Variants in ZNF609 observed in about 807,000 individuals in gnomAD.
ZNF609 encodes the protein zinc finger protein 609.
In ZNF609, 11 loss-of-function variants were observed where a neutral mutation model predicts 109.5. That is an observed-to-expected ratio of 0.10 (90% CI 0.06 to 0.17). The LOEUF is 0.17. Ranked by LOEUF, ZNF609 falls within the 10% of genes least tolerant of loss-of-function variation. The pLI is 1.00. For missense variants in ZNF609, 1,559 were observed against 1,772.4 expected (o/e 0.88, Z 2.16); for synonymous variants, 646 against 662.0 (o/e 0.98, Z 0.37).
chr15:64,482,810 C>T (rs1346983956), intron 1 of ZNF609, among the ~76,000 whole-genome samples: 1 of 152,144 alleles, frequency 6.6e-6, no homozygotes, highest in Non-Finnish European at 1.5e-5. Context: ...GAAGGTCAGA[C>T]CAAAGACTGC....
intron 2 of ZNF609, among the ~76,000 whole-genome samples, chr15:64,536,891 CAGAG>C (rs1180090232): frequency 8.8e-6 from 1 of 113,396 alleles, no homozygotes; most frequent in Non-Finnish European, 1.7e-5. Flanking sequence ...GCCTGGGCGA[CAGAG>C]AGAGACCCTG....
chr15:64,634,702 A>G lies in ZNF609; in HGVS notation c.973+11650A>G, dbSNP rs767778956. Among the ~76,000 whole-genome samples the G allele has an allele frequency of 4.9e-4, 75 of 152,078 alleles. 1 individual carries two copies. Among genetic ancestry groups the G allele is most frequent in the Non-Finnish European group, 4.6e-4 (31 of 68,018 alleles). On this transcript the variant is annotated intron_variant, in intron 3 of 9. Transcript: ENST00000326648. ...GCACAGTAACAACCAAGCTTTCTCCACTGTTTAGCCAGTTGCATACTAGCT... is the reference window on the plus strand; with the variant it reads ...GCACAGTAACAACCAAGCTTTCTCCGCTGTTTAGCCAGTTGCATACTAGCT...
At chr15:64,667,910 T>C (rs1330589393) in intron 3 of ZNF609, among the ~76,000 whole-genome samples, 1 of 152,134 alleles carries the variant, frequency 6.6e-6, no homozygotes, top group Non-Finnish European at 1.5e-5. Context: ...CAACCAGCCT[T>C]ATGAAAGGAG....
At chr15:64,650,529 G>T (rs1318648969) in intron 3 of ZNF609, among the ~76,000 whole-genome samples, 1 of 152,144 alleles carries the variant, frequency 6.6e-6, no homozygotes, top group Non-Finnish European at 1.5e-5. Context: ...AAGTCTTGGG[G>T]CTTAAGAGAG....
chr15:64,495,216 G>C (rs1201960724), intron 1 of ZNF609, among the ~76,000 whole-genome samples: 1 of 152,116 alleles, frequency 6.6e-6, no homozygotes, highest in Non-Finnish European at 1.5e-5. Context: ...TATTGTTAAG[G>C]CTTTTTGAGG....
intron 1 of ZNF609, among the ~76,000 whole-genome samples, chr15:64,496,150 G>T (rs1217143541): frequency 6.6e-6 from 1 of 152,094 alleles, no homozygotes; most frequent in Admixed American, 6.6e-5. Flanking sequence ...TTCCTTACTG[G>T]CATACTTTGT....
chr15:64,676,625 G>A (rs1433717934), intron 5 of ZNF609, among the ~76,000 whole-genome samples: 2 of 151,434 alleles, frequency 1.3e-5, no homozygotes, highest in East Asian at 3.9e-4. Flanking sequence ...GTAGAGATGG[G>A]GCTTCACCAT....
intron 2 of ZNF609, among the ~76,000 whole-genome samples, chr15:64,560,798 A>G (rs903526458): frequency 6.6e-6 from 1 of 152,190 alleles, no homozygotes; most frequent in Admixed American, 6.6e-5. Context: ...TGTATATTTT[A>G]ATTTAAGTGC....
chr15:64,596,441 A>G (rs1284909513), intron 2 of ZNF609, among the ~76,000 whole-genome samples: 1 of 152,186 alleles, frequency 6.6e-6, no homozygotes, highest in African/African-American at 2.4e-5. Context: ...GGCGTGAGCC[A>G]CCGTGCTCTA....
chr15:64,537,963 A>T (rs891381134), intron 2 of ZNF609, among the ~76,000 whole-genome samples: 2 of 151,592 alleles, frequency 1.3e-5, no homozygotes, highest in Non-Finnish European at 2.9e-5. Context: ...AAAATTAGCC[A>T]GGCATGGTGG....
intron 2 of ZNF609, chr15:64,500,617 G>T: frequency 8.6e-6 from 5 of 579,940 alleles, no homozygotes; most frequent in Non-Finnish European, 1.5e-5. Flanking sequence ...GATAAATGGT[G>T]CTGTTGGGTC....
chr15:64,607,521 T>G (rs905406393), intron 2 of ZNF609, among the ~76,000 whole-genome samples: 68 of 147,494 alleles, frequency 4.6e-4, no homozygotes, highest in African/African-American at 1.7e-3. Context: ...TTTTTTTTTT[T>G]GGAGACAGAA....
chr15:64,636,998 A>T (rs1045270994), intron 3 of ZNF609, among the ~76,000 whole-genome samples: 3 of 152,194 alleles, frequency 2.0e-5, no homozygotes, highest in Non-Finnish European at 2.9e-5. Flanking sequence ...TGATACCAGC[A>T]CCTAGATGAG....
intron 3 of ZNF609, among the ~76,000 whole-genome samples, chr15:64,654,814 G>T (rs1382183119): frequency 1.3e-5 from 2 of 152,112 alleles, no homozygotes; most frequent in Non-Finnish European, 2.9e-5. Flanking sequence ...AGCGCCAAGT[G>T]GGCCGGGCAC....
At position 64,588,089 on chromosome 15, in the gene ZNF609, G is replaced by A. The variant is rs144559549; in HGVS notation, c.748-34738G>A. ...AGTTGAGACTGCAGTGAGCTGCTGC[G>A]ATCAAACCACTACACTCCAGCCTGG... On this transcript the variant is annotated intron_variant, in intron 2 of 9. Coordinates refer to ENST00000326648, the MANE Select transcript of ZNF609 (RefSeq NM_015042.2). 9.2e-5 allele frequency among the ~76,000 whole-genome samples: 14 copies of A among 151,698 alleles called. 1 individual carries two copies. The South Asian group carries it at 2.3e-3, about 25-fold the overall frequency.
rs552705896 is a variant in ZNF609 at position 64,529,474 on chromosome 15, G to A, written c.747+29308G>A. ...GATGGGGTTTCCATTGATGACAAGC[G>A]TCCCGTTCTCAGCCTTGACGGTGCC... On this transcript the variant is annotated intron_variant, in intron 2 of 9. Transcript: ENST00000326648. The A allele has an allele frequency of 8.9e-5, 93 of 1,044,936 alleles. No homozygotes were observed. In the African/African-American group the frequency reaches 1.1e-3, roughly 13 times the overall value. 64.7% of individuals were successfully genotyped at this position (1,044,936 alleles called of 1,614,324 possible).
chr15:64,670,305 G>A, intron 3 of ZNF609, 41 bp from the exon 4 acceptor site: 1 of 1,517,648 alleles, frequency 6.6e-7, no homozygotes, highest in South Asian at 1.1e-5. Context: ...AGTGGCAAAT[G>A]GGGTGTGTCT....
At position 64,674,861 on chromosome 15, in the gene ZNF609, C is replaced by T; in HGVS notation, c.2007C>T (p.Tyr669=). ...IAPAIPPQQI[Y]TFQTATFTAA... is the part of the protein sequence containing the mutation. Reference sequence around the variant, plus strand: ...CTGCCATCCCCCCACAGCAAATCTACACCTTCCAGACAGCCACCTTCACAG... The same window carrying T: ...CTGCCATCCCCCCACAGCAAATCTATACCTTCCAGACAGCCACCTTCACAG... The change falls in exon 5 of 10, where the codon TAC becomes TAT. Residue 669 remains tyrosine, a synonymous_variant. Transcript: ENST00000326648. 6.2e-7 allele frequency: 1 copy of T among 1,614,186 alleles called. No individual in the cohort carries two copies. Among genetic ancestry groups the T allele is most frequent in the Non-Finnish European group, 8.5e-7 (1 of 1,180,042 alleles).
chr15:64,518,557 T>C (rs1336061619), intron 2 of ZNF609, among the ~76,000 whole-genome samples: 1 of 152,210 alleles, frequency 6.6e-6, no homozygotes, highest in Non-Finnish European at 1.5e-5. Context: ...TTACAGTGAT[T>C]GATTTTTGAG....
Sources: gnomAD v4.1 joint callset for allele counts (sites outside exome capture counted in the v4.1 genomes callset) on GRCh38, gnomAD v4.1.1 for gene constraint, MANE v1.5 for transcripts, NCBI Gene and HGNC (gene_info 2026-07-23, HGNC 2026-07-21) for gene names.